The following DLL4 variants were observed in gnomAD, a reference collection of about 807,000 sequenced individuals.
The protein encoded by DLL4 is delta like canonical Notch ligand 4.
Under a neutral mutation model 73.6 loss-of-function variants are expected in DLL4, and 7 were observed. That is an observed-to-expected ratio of 0.10 (90% confidence interval 0.05 to 0.18). The LOEUF (loss-of-function observed/expected upper bound fraction) is 0.18, where lower values mean the gene tolerates loss of function less well. Ranked by LOEUF, DLL4 falls within the 10% of genes least tolerant of loss-of-function variation. The pLI, the probability that DLL4 is intolerant of heterozygous loss-of-function variation, is 1.00. For synonymous variants in DLL4, 345 were observed against 374.3 expected (o/e 0.92, Z 0.90); for missense variants, 614 against 929.9 (o/e 0.66, Z 4.42).
In DLL4 at chr15:40,934,734, C is replaced by T. The variant is rs760174174; in HGVS notation, c.1020+17C>T. The T allele has an allele frequency of 5.6e-6, 9 of 1,609,784 alleles. No homozygotes were observed. The highest frequency in any genetic ancestry group is 2.2e-5 in the South Asian group (2 of 90,820). On this transcript the variant is annotated intron_variant, in intron 7 of 10. Transcript: ENST00000249749. The stretch of plus-strand genomic sequence containing the variant: ...AGCTGTAAGGTGAGGCCCAGACCAG[C>T]GCAGGAAGACAGAGGTGTCAGGTGG...
At chr15:40,932,530 T>C in intron 6 of DLL4, 83 bp downstream of exon 6, 3 of 1,542,084 alleles carry the variant, frequency 1.9e-6, no homozygotes, top group Non-Finnish European at 2.7e-6. Context: ...ACCTGGATCC[T>C]TCTTACTTGG....
chr15:40,932,229 C>T lies in DLL4; in HGVS notation c.717C>T (p.Cys239=). Residue 239 remains cysteine, a splice_region_variant and synonymous_variant, in exon 5 of 11, where the codon TGC becomes TGT. Transcript: ENST00000249749. ...QNGYCSKPAE[C]LCRPGWQGRL... is the part of the protein sequence containing the mutation. ...GCTACTGCAGCAAGCCAGCAGAGTG[C>T]CTGTGAGTAGGGGACAGGAAGTGGT... 1 of 1,614,036 alleles carries T rather than the reference C, an allele frequency of 6.2e-7. No individual in the cohort carries two copies. The highest frequency in any genetic ancestry group is 8.5e-7 in the Non-Finnish European group (1 of 1,179,894).
rs1403820854 is a variant in DLL4, at chr15:40,937,430, G to A, written c.1956G>A (p.Glu652=). The A allele has an allele frequency of 6.2e-7, 1 of 1,613,164 alleles. No individual in the cohort carries two copies. The highest frequency in any genetic ancestry group is 1.7e-5 in the Admixed American group (1 of 60,022). The change falls in exon 10 of 11, where the codon GAG becomes GAA. Residue 652 remains glutamate, a synonymous_variant. Coordinates refer to ENST00000249749, the MANE Select transcript of DLL4 (RefSeq NM_019074.4). ...APLRLHSEKP[E]CRISAICSPR... ...TGTGTTCCCTCAGTGAAAAGCCAGA[G>A]TGTCGGATATCAGCGATATGCTCCC...
chr15:40,936,638 G>T lies in DLL4; in HGVS notation c.1651G>T (p.Ala551Ser), dbSNP rs745800989. ...GGTACTGCTGGGCATGGTGGCAGTG[G>T]CTGTGCGGCAGCTGCGGCTTCGACG... is the stretch of plus-strand genomic sequence containing the variant. ...LLVLLGMVAVAVRQLRLRRPD... is the reference protein window; with the variant it reads ...LLVLLGMVAVSVRQLRLRRPD... Residue 551 changes from alanine to serine, a missense_variant, in exon 9 of 11, where the codon GCT becomes TCT. Ala to Ser is a moderately conservative substitution (Grantham distance 99). Transcript: ENST00000249749. 1.4e-5 allele frequency: 23 copies of T among 1,610,450 alleles called. No homozygotes were observed. The South Asian group carries it at 2.2e-4, about 15-fold the overall frequency.
intron 3 of DLL4, chr15:40,931,161 C>G: frequency 2.3e-6 from 1 of 425,604 alleles, no homozygotes; most frequent in Non-Finnish European, 4.2e-6. Context: ...CCTCTCTAGC[C>G]TGGGGAGCTT....
chr15:40,929,402 G>A lies in DLL4; in HGVS notation c.-267G>A, dbSNP rs1892729671. The A allele has an allele frequency of 2.1e-6, 1 of 467,806 alleles. No homozygotes were observed. The highest frequency in any genetic ancestry group is 3.7e-6 in the Non-Finnish European group (1 of 267,434). The allele number at this position is 467,806 out of a possible 1,614,324, so 29.0% of individuals were successfully genotyped here. On this transcript the variant is annotated 5_prime_UTR_variant, in exon 1 of 11. In the 5' UTR this introduces an upstream ATG that the reference lacks. Coordinates refer to ENST00000249749, the MANE Select transcript of DLL4 (RefSeq NM_019074.4). The surrounding 1 kb of genome is among the most constrained non-coding windows in gnomAD (Gnocchi z 7.1). Reference sequence around the variant, plus strand: ...AAGAGCCGCAGCCCCAGCCGCCTTGGTGCAGCGTACACCGGCACTAGCCCG... The same window carrying A: ...AAGAGCCGCAGCCCCAGCCGCCTTGATGCAGCGTACACCGGCACTAGCCCG...
In DLL4 at chr15:40,931,562, G is replaced by C. The variant is rs768677764; in HGVS notation, c.454G>C (p.Gly152Arg). The C allele has an allele frequency of 1.2e-6, 2 of 1,611,260 alleles. No homozygotes were observed. The highest frequency in any genetic ancestry group is 1.7e-5 in the Admixed American group (1 of 59,626). Residue 152 changes from glycine (G) to arginine (R), a missense_variant, in exon 4 of 11, where the codon GGT (glycine) becomes CGT (arginine). By Grantham distance (125) the Gly-to-Arg change is moderately radical. This residue lies in a region of DLL4 where 227 missense variants were observed against 370.8 expected (regional missense o/e 0.61). Transcript: ENST00000249749. ...KIAIQGSLAV[G>R]QNWLLDEQTS... is the part of the protein sequence containing the mutation. ...CGCCATCCAGGGCTCCCTAGCTGTG[G>C]GTCAGAACTGGTTATTGGATGAGCA...
In DLL4 at chr15:40,936,311, A is replaced by C; in HGVS notation, c.1324A>C (p.Ser442Arg). 6.2e-7 allele frequency: 1 copy of C among 1,609,480 alleles called. No homozygotes were observed. Residue 442 changes from serine to arginine, a missense_variant, in exon 9 of 11, where the codon AGC becomes CGC. Coordinates refer to ENST00000249749, the MANE Select transcript of DLL4 (RefSeq NM_019074.4). Reference protein sequence around the residue: ...FTGTYCELHVSDCARNPCAHG... With the variant: ...FTGTYCELHVRDCARNPCAHG... ...GGGCACCTACTGTGAACTCCACGTC[A>C]GCGACTGTGCCCGTAACCCTTGCGC... is the stretch of plus-strand genomic sequence containing the variant.
At chr15:40,932,132 G>T in intron 4 of DLL4, 39 bp from the exon 5 acceptor site, 1 of 1,611,938 alleles carries the variant, frequency 6.2e-7, no homozygotes, top group South Asian at 1.1e-5. Context: ...AAGAGTCCTT[G>T]GTATCCCAGC....
At chr15:40,936,031 A>T (rs539742132) in intron 8 of DLL4, among the ~76,000 whole-genome samples, 197 bp from the exon 9 acceptor site, 1 of 152,326 alleles carries the variant, frequency 6.6e-6, no homozygotes, top group Admixed American at 6.5e-5. Context: ...AGTCATTTTT[A>T]TACATGAGCC....
At chr15:40,931,893 G>A in intron 4 of DLL4, 127 bp downstream of exon 4, 6 of 1,261,292 alleles carry the variant, frequency 4.8e-6, no homozygotes, top group Non-Finnish European at 6.6e-6. Flanking sequence ...GGGCCTCAGG[G>A]ATGCTGAGGG....
intron 7 of DLL4, 64 bp downstream of exon 7, chr15:40,934,781 G>GGCAGTTAGGGATGGA: frequency 6.3e-7 from 1 of 1,590,400 alleles, no homozygotes; most frequent in Non-Finnish European, 8.6e-7. Flanking sequence ...CCCTAACCTA[G>GGCAGTTAGGGATGGA]GCAGTTAGTG....
rs1407250599 is a variant in DLL4 at position 40,936,408 on chromosome 15, G to A, written c.1421G>A (p.Arg474His). The change falls in exon 9 of 11, where the codon CGC becomes CAC. Residue 474 changes from arginine to histidine, a missense_variant. Around this residue, in one of 3 missense-constraint regions of DLL4, gnomAD observed 386 missense variants for 541.3 expected, o/e 0.71. Transcript: ENST00000249749. Reference sequence around the variant, plus strand: ...TGCCCTGCCGGCTTCTCTGGCCGACGCTGTGAGGTGCGGACATCCATCGAT... The same window carrying A: ...TGCCCTGCCGGCTTCTCTGGCCGACACTGTGAGGTGCGGACATCCATCGAT... ...CTCPAGFSGR[R>H]CEVRTSIDAC... 8.7e-6 allele frequency: 14 copies of A among 1,611,368 alleles called. No homozygotes were observed. The highest frequency in any genetic ancestry group is 6.7e-5 in the East Asian group (3 of 44,860).
In DLL4 at chr15:40,933,261, C is replaced by T. The variant is rs529627970; in HGVS notation, c.850+814C>T. Among the ~76,000 whole-genome samples the T allele has an allele frequency of 3.4e-5, 5 of 145,110 alleles. No homozygotes were observed. The East Asian group carries it at 1.1e-3, about 31-fold the overall frequency. The stretch of plus-strand genomic sequence containing the variant: ...GTCAACAAGGGGCTTGGGATTCAGT[C>T]CCTGTGTTGTGTGTGTGTGTGTGTG... On this transcript the variant is annotated intron_variant, in intron 6 of 10. Coordinates refer to ENST00000249749, the MANE Select transcript of DLL4 (RefSeq NM_019074.4).
Position 40,930,884 on chromosome 15 carries a change from T to C in DLL4, c.394+202T>C. ...CAATTGCGTTTCCTGCGGGTTATTT[T>C]TGGCGTGGGAACGCGGGGAGTACGG... On this transcript the variant is annotated intron_variant, in intron 3 of 10. Coordinates refer to ENST00000249749, the MANE Select transcript of DLL4 (RefSeq NM_019074.4). The surrounding 1 kb of genome is among the most constrained non-coding windows in gnomAD (Gnocchi z 5.7). 1.6e-6 allele frequency: 1 copy of C among 616,646 alleles called. No homozygotes were observed. The highest frequency in any genetic ancestry group is 2.8e-6 in the Non-Finnish European group (1 of 353,728). The allele number at this position is 616,646 out of a possible 1,614,324, so 38.2% of individuals were successfully genotyped here. A position where few individuals can be genotyped will look rare whatever the true frequency, so the allele number is the denominator to read the frequency against.
chr15:40,930,264 T>C lies in DLL4; in HGVS notation c.336+148T>C. 9.9e-7 allele frequency: 1 copy of C among 1,006,268 alleles called. No homozygotes were observed. The highest frequency in any genetic ancestry group is 1.4e-6 in the Non-Finnish European group (1 of 697,168). 62.3% of individuals were successfully genotyped at this position (1,006,268 alleles called of 1,614,324 possible). ...ATTCTTTCCTGGCTCTTCCCGACTC[T>C]CTCCTGAGACTGATCCCAGAAAAGG... On this transcript the variant is annotated intron_variant, in intron 2 of 10. Transcript: ENST00000249749. The surrounding 1 kb of genome is among the most constrained non-coding windows in gnomAD (Gnocchi z 5.7).
intron 6 of DLL4, 48 bp downstream of exon 6, chr15:40,932,495 C>CT: frequency 6.2e-7 from 1 of 1,605,932 alleles, no homozygotes; most frequent in Non-Finnish European, 8.5e-7. Flanking sequence ...AGATATGGGG[C>CT]TGGGGGGTGG....
At chr15:40,932,509 T>C in intron 6 of DLL4, 62 bp downstream of exon 6, 1 of 1,590,990 alleles carries the variant, frequency 6.3e-7, no homozygotes. Context: ...GGGGTGGAAA[T>C]CCGATTCGTC....
Position 40,936,345 on chromosome 15 carries a change from G to A in DLL4, c.1358G>A (p.Gly453Asp). 1 of 1,610,222 alleles carries A rather than the reference G, an allele frequency of 6.2e-7. No homozygotes were observed. The change falls in exon 9 of 11, where the codon GGC becomes GAC. Residue 453 changes from glycine (G) to aspartate (D), a missense_variant. This residue lies in a region of DLL4 where 386 missense variants were observed against 541.3 expected (regional missense o/e 0.71). Transcript: ENST00000249749. The stretch of plus-strand genomic sequence containing the variant: ...GCCCGTAACCCTTGCGCCCACGGTG[G>A]CACTTGCCATGACCTGGAGAATGGG... Reference protein sequence around the residue: ...DCARNPCAHGGTCHDLENGLM... With the variant: ...DCARNPCAHGDTCHDLENGLM...
Sources: allele counts gnomAD v4.1 joint callset (sites outside exome capture counted in the v4.1 genomes callset), GRCh38; gene constraint gnomAD v4.1.1; regional missense constraint gnomAD v4.1.1; non-coding constraint Gnocchi (gnomAD v3.1); transcripts MANE v1.5; gene names NCBI Gene and HGNC (gene_info 2026-07-23, HGNC 2026-07-21).